FAT3: variants seen among roughly 807,000 people sequenced by gnomAD.
FAT3 encodes FAT atypical cadherin 3.
FAT3 carries 95 observed loss-of-function variants against 310.2 expected under a neutral mutation model. The ratio of observed to expected loss-of-function variants is 0.31; its 90% confidence interval spans 0.26 to 0.36. The LOEUF (loss-of-function observed/expected upper bound fraction) is 0.36, where lower values mean the gene tolerates loss of function less well. Among genes scored for constraint, FAT3 ranks in the 10% least tolerant of loss-of-function variants. FAT3 has a pLI of 1.00. For synonymous variants in FAT3, 2,314 were observed against 2,192.9 expected (o/e 1.06, Z -1.54); for missense variants, 5,408 against 5,715.6 (o/e 0.95, Z 1.74).
intron 2 of FAT3, among the ~76,000 whole-genome samples, chr11:92,414,251 C>T (rs1024716003): frequency 1.3e-5 from 2 of 152,198 alleles, no homozygotes; most frequent in African/African-American, 4.8e-5. Flanking sequence ...ACACCTGCCC[C>T]TTATCCCCAC....
chr11:92,253,637 G>GCTTAAGTAT (rs1865212195), intron 1 of FAT3, among the ~76,000 whole-genome samples: 1 of 152,126 alleles, frequency 6.6e-6, no homozygotes, highest in Non-Finnish European at 1.5e-5. Context: ...CAACTGGGAA[G>GCTTAAGTAT]CTTAAGTATG....
At position 92,800,127 on chromosome 11, in the gene FAT3, C is replaced by G. The variant is rs1480609359; in HGVS notation, c.7114C>G (p.Pro2372Ala). 6.2e-7 allele frequency: 1 copy of G among 1,613,774 alleles called. No homozygotes were observed. The highest frequency in any genetic ancestry group is 8.5e-7 in the Non-Finnish European group (1 of 1,179,870). ...AGTCAGATCAATAGATAGTGGCTTCCCATCACTGAGCAGTGAGGTTCTCGT... is the reference window on the plus strand; with the variant it reads ...AGTCAGATCAATAGATAGTGGCTTCGCATCACTGAGCAGTGAGGTTCTCGT... ...LKVRSIDSGF[P>A]SLSSEVLVHI... The change falls in exon 10 of 28, where the codon CCA (proline) becomes GCA (alanine). Residue 2372 changes from proline (P) to alanine (A), a missense_variant. By Grantham distance (27) the Pro-to-Ala change is conservative. Coordinates refer to ENST00000525166, the MANE Select transcript of FAT3 (RefSeq NM_001367949.2).
intron 2 of FAT3, among the ~76,000 whole-genome samples, chr11:92,487,078 C>G (rs1410652773): frequency 2.6e-5 from 4 of 152,136 alleles, no homozygotes; most frequent in African/African-American, 9.7e-5. Flanking sequence ...GCTAAGAGCA[C>G]TGGTTCCTCC....
chr11:92,887,221 A>G lies in FAT3; in HGVS notation c.13051+108A>G, dbSNP rs116948561. Reference sequence around the variant, plus strand: ...ACTGGCTTTGTTTCTCAACCTGTTCATGGGCTTTTGAGCGTGTTCACCAGG... The same window carrying G: ...ACTGGCTTTGTTTCTCAACCTGTTCGTGGGCTTTTGAGCGTGTTCACCAGG... On this transcript the variant is annotated intron_variant, in intron 25 of 27. Transcript: ENST00000525166. 4,998 of 930,736 alleles carry G rather than the reference A, an allele frequency of 5.4e-3. 36 individuals are homozygous for G. Among genetic ancestry groups the G allele is most frequent in the South Asian group, 7.1e-3 (455 of 64,164 alleles). 57.7% of individuals were successfully genotyped at this position (930,736 alleles called of 1,614,324 possible).
chr11:92,698,208 C>G (rs577900048), intron 4 of FAT3, among the ~76,000 whole-genome samples: 3 of 151,994 alleles, frequency 2.0e-5, no homozygotes, highest in African/African-American at 7.3e-5. Context: ...TCTTTTAGTT[C>G]CTAAGAATCA....
rs536993184 is a variant in FAT3, at chr11:92,313,055, A to G, written c.-17-39041A>G. Reference sequence around the variant, plus strand: ...TCTCTAAATTTTAATCTTTATGACTATAATCAATTCTTAGTAAAGTCAGTT... The same window carrying G: ...TCTCTAAATTTTAATCTTTATGACTGTAATCAATTCTTAGTAAAGTCAGTT... On this transcript the variant is annotated intron_variant, in intron 1 of 27. Coordinates refer to ENST00000525166, the MANE Select transcript of FAT3 (RefSeq NM_001367949.2). 1.1e-4 allele frequency among the ~76,000 whole-genome samples: 17 copies of G among 152,358 alleles called. No individual in the cohort carries two copies. The East Asian group carries it at 2.9e-3, about 26-fold the overall frequency.
chr11:92,553,673 GTCCC>G (rs1277479567), intron 3 of FAT3, among the ~76,000 whole-genome samples: 4 of 17,238 alleles, frequency 2.3e-4, no homozygotes, highest in African/African-American at 3.7e-4. Flanking sequence ...TAGAATCTCC[GTCCC>G]TTCCTTCCTT....
Position 92,685,446 on chromosome 11 carries a change from C to T in FAT3, c.3608-11938C>T, listed in dbSNP as rs949144623. Among the ~76,000 whole-genome samples, 82 of 151,422 alleles carry T rather than the reference C, an allele frequency of 5.4e-4. 1 individual carries two copies. Among genetic ancestry groups the T allele is most frequent in the Admixed American group, 4.1e-3 (62 of 15,200 alleles). ...AATTTGGAAACTTTTCCCAAAAAGT[C>T]TTTACAAGCCATAATATAAATGCTA... is the stretch of plus-strand genomic sequence containing the variant. On this transcript the variant is annotated intron_variant, in intron 3 of 27. Coordinates refer to ENST00000525166, the MANE Select transcript of FAT3 (RefSeq NM_001367949.2).
At chr11:92,364,537 G>A (rs1948964383) in intron 2 of FAT3, among the ~76,000 whole-genome samples, 1 of 152,196 alleles carries the variant, frequency 6.6e-6, no homozygotes, top group African/African-American at 2.4e-5. Context: ...GAATTATAGA[G>A]TTTGATAAAT....
chr11:92,769,366 A>G lies in FAT3; in HGVS notation c.4195+4277A>G, dbSNP rs529710346. 9.2e-5 allele frequency among the ~76,000 whole-genome samples: 14 copies of G among 152,350 alleles called. No homozygotes were observed. In the East Asian group the frequency reaches 2.5e-3, roughly 27 times the overall value. On this transcript the variant is annotated intron_variant, in intron 6 of 27. Coordinates refer to ENST00000525166, the MANE Select transcript of FAT3 (RefSeq NM_001367949.2). Reference sequence around the variant, plus strand: ...GGGAAAGAAAGTGAAGGGAACACAAATAACCCATAATCCTTTGTGGCTTTA... The same window carrying G: ...GGGAAAGAAAGTGAAGGGAACACAAGTAACCCATAATCCTTTGTGGCTTTA...
chr11:92,503,103 A>T (rs1055780848), intron 2 of FAT3, among the ~76,000 whole-genome samples: 1 of 152,114 alleles, frequency 6.6e-6, no homozygotes, highest in African/African-American at 2.4e-5. Context: ...TTCAGTTCAC[A>T]GTCCCTTGGT....
At chr11:92,526,552 C>A (rs535633877) in intron 3 of FAT3, among the ~76,000 whole-genome samples, 1 of 152,262 alleles carries the variant, frequency 6.6e-6, no homozygotes, top group South Asian at 2.1e-4. Context: ...TCTCTGTTCT[C>A]ATCCTTTACT....
chr11:92,265,176 T>C (rs1160305588), intron 1 of FAT3, among the ~76,000 whole-genome samples: 3 of 151,976 alleles, frequency 2.0e-5, no homozygotes, highest in East Asian at 3.9e-4. Context: ...AGTTCACTTA[T>C]TTTTTAGTGA....
intron 24 of FAT3, among the ~76,000 whole-genome samples, chr11:92,884,108 T>C (rs921364694): frequency 1.3e-5 from 2 of 152,106 alleles, no homozygotes; most frequent in African/African-American, 4.8e-5. Flanking sequence ...AGCAACATTC[T>C]AGGCACAGGG....
chr11:92,252,389 C>T (rs1419100298), intron 1 of FAT3, among the ~76,000 whole-genome samples: 2 of 152,006 alleles, frequency 1.3e-5, no homozygotes, highest in Admixed American at 6.6e-5. Context: ...GTGTGCATCT[C>T]GACCACACTA....
chr11:92,837,630 C>T, intron 16 of FAT3, 33 bp from the exon 17 acceptor site: 4 of 1,612,286 alleles, frequency 2.5e-6, no homozygotes, highest in Non-Finnish European at 3.4e-6. Context: ...AAGCGCTACA[C>T]CTCTTTACTG....
intron 2 of FAT3, among the ~76,000 whole-genome samples, chr11:92,484,436 G>T (rs1323460286): frequency 6.6e-6 from 1 of 152,108 alleles, no homozygotes; most frequent in African/African-American, 2.4e-5. Context: ...ATTGATAAGA[G>T]TGCCCATTTG....
chr11:92,550,214 G>C (rs1029257490), intron 3 of FAT3, among the ~76,000 whole-genome samples: 1 of 152,092 alleles, frequency 6.6e-6, no homozygotes, highest in African/African-American at 2.4e-5. Context: ...AGTTCCCCAA[G>C]CAAAATTTCC....
rs140143270 is a variant in FAT3 at position 92,733,399 on chromosome 11, C to A, written c.3670-28457C>A. On this transcript the variant is annotated intron_variant, in intron 4 of 27. Transcript: ENST00000525166. ...TGATAGAATTTGGTGTCTTGGTGGT[C>A]TCTTGTCTACAAAATGATTGATTGT... Among the ~76,000 whole-genome samples the A allele has an allele frequency of 3.0e-3, 460 of 151,990 alleles. 3 individuals are homozygous for A. Among genetic ancestry groups the A allele is most frequent in the African/African-American group, 0.01 (429 of 41,452 alleles).
Sources: allele counts gnomAD v4.1 joint callset (sites outside exome capture counted in the v4.1 genomes callset), GRCh38; gene constraint gnomAD v4.1.1; transcripts MANE v1.5; gene names NCBI Gene and HGNC (gene_info 2026-07-23, HGNC 2026-07-21).